GDPD5: variants seen among roughly 807,000 people sequenced by gnomAD.
GDPD5 encodes the protein glycerophosphodiester phosphodiesterase domain containing 5.
Under a neutral mutation model 75.1 loss-of-function variants are expected in GDPD5, and 48 were observed. The ratio of observed to expected loss-of-function variants is 0.64; its 90% CI spans 0.51 to 0.81. The LOEUF is 0.81. GDPD5 is among the 40% of genes least tolerant of loss of function. The pLI is 0.00. For synonymous variants in GDPD5, 336 were observed against 339.0 expected, an observed-to-expected ratio of 0.99 and a Z score of 0.10; for missense variants, 706 against 822.6, an observed-to-expected ratio of 0.86 and a Z score of 1.73.
chr11:75,521,195 C>A (rs1941441561), intron 1 of GDPD5, among the ~76,000 whole-genome samples: 1 of 152,260 alleles, frequency 6.6e-6, no homozygotes, highest in Non-Finnish European at 1.5e-5. Flanking sequence ...AGACAACCAG[C>A]CAGCCTGTGC....
At chr11:75,461,078 G>C (rs892440932) in intron 4 of GDPD5, among the ~76,000 whole-genome samples, 1 of 152,104 alleles carries the variant, frequency 6.6e-6, no homozygotes, top group African/African-American at 2.4e-5. Context: ...GGTCTCTTCA[G>C]TCTGTCCTCA....
chr11:75,506,111 G>A (rs1950392181), intron 1 of GDPD5, among the ~76,000 whole-genome samples: 1 of 152,222 alleles, frequency 6.6e-6, no homozygotes, highest in African/African-American at 2.4e-5. Flanking sequence ...TATGGCAAGA[G>A]CACAAAATGC....
Position 75,491,811 on chromosome 11 carries a change from A to G in GDPD5, c.-144-1491T>C, listed in dbSNP as rs554807192. On this transcript the variant is annotated intron_variant, in intron 1 of 16. Transcript: ENST00000336898. Reference sequence around the variant, plus strand: ...AGTGACTATTATTTCAGATTTTGAAATGGAGGTTCTGAGAAGTGAACACAC... The same window carrying G: ...AGTGACTATTATTTCAGATTTTGAAGTGGAGGTTCTGAGAAGTGAACACAC... Among the ~76,000 whole-genome samples the G allele has an allele frequency of 1.3e-4, 20 of 152,310 alleles. No individual in the cohort carries two copies. In the South Asian group the frequency reaches 4.1e-3, roughly 32 times the overall value.
At chr11:75,485,077 C>T (rs1949996443) in intron 2 of GDPD5, among the ~76,000 whole-genome samples, 1 of 152,186 alleles carries the variant, frequency 6.6e-6, no homozygotes, top group African/African-American at 2.4e-5. Context: ...TGCTAAGTGA[C>T]AGAAGCCAAT....
chr11:75,449,368 G>T, intron 8 of GDPD5, 149 bp downstream of exon 8: 1 of 790,962 alleles, frequency 1.3e-6, no homozygotes, highest in Non-Finnish European at 2.1e-6. Context: ...GACTCTGTGG[G>T]CCACTCTGAG....
At chr11:75,523,318 G>T (rs907877749) in intron 1 of GDPD5, among the ~76,000 whole-genome samples, 1 of 152,268 alleles carries the variant, frequency 6.6e-6, no homozygotes, top group South Asian at 2.1e-4. Context: ...ACTGTGGCTC[G>T]AGGCTGCCGC....
chr11:75,443,391 G>A (rs994230162), intron 10 of GDPD5, 105 bp from the exon 11 acceptor site: 16 of 1,340,146 alleles, frequency 1.2e-5, no homozygotes, highest in Admixed American at 1.0e-4. Context: ...ACAGGATCCC[G>A]GCTGGCTCTG....
intron 1 of GDPD5, among the ~76,000 whole-genome samples, chr11:75,499,402 T>C (rs796406756): frequency 0.056 from 8,176 of 145,782 alleles, 361 homozygotes; most frequent in East Asian, 0.13. Context: ...TCCTTTTTTT[T>C]TTTTTTTTTT....
At chr11:75,456,256 G>A (rs1949283842) in intron 6 of GDPD5, among the ~76,000 whole-genome samples, 1 of 152,216 alleles carries the variant, frequency 6.6e-6, no homozygotes, top group South Asian at 2.1e-4. Flanking sequence ...AGGTAGGGAA[G>A]TTTGGGTCAT....
intron 1 of GDPD5, among the ~76,000 whole-genome samples, chr11:75,492,893 C>T (rs1362372016): frequency 6.6e-6 from 1 of 151,968 alleles, no homozygotes; most frequent in Non-Finnish European, 1.5e-5. Flanking sequence ...CCCCACCCAG[C>T]TAATTTTTGT....
chr11:75,522,063 C>T (rs905076206), intron 1 of GDPD5, among the ~76,000 whole-genome samples: 2 of 152,114 alleles, frequency 1.3e-5, no homozygotes, highest in Non-Finnish European at 2.9e-5. Context: ...CCCACCAAGC[C>T]ATCCTCCTCG....
chr11:75,519,716 T>C (rs1411487981), intron 1 of GDPD5, among the ~76,000 whole-genome samples: 1 of 152,218 alleles, frequency 6.6e-6, no homozygotes, highest in Non-Finnish European at 1.5e-5. Flanking sequence ...CCCTACCCTG[T>C]GCCACCAGCC....
intron 3 of GDPD5, among the ~76,000 whole-genome samples, chr11:75,466,244 G>A (rs577391306): frequency 3.2e-4 from 48 of 152,190 alleles, no homozygotes; most frequent in Non-Finnish European, 4.7e-4. Context: ...AGCTGAAGCC[G>A]GAGGCCACAG....
At chr11:75,492,543 A>G (rs539545222) in intron 1 of GDPD5, 23 of 152,416 alleles carry the variant, frequency 1.5e-4, no homozygotes, top group African/African-American at 5.5e-4. Flanking sequence ...TTTACCTGAC[A>G]TTCAAACTTG....
At chr11:75,467,531 T>A (rs1425088444) in intron 3 of GDPD5, among the ~76,000 whole-genome samples, 1 of 152,080 alleles carries the variant, frequency 6.6e-6, no homozygotes, top group Non-Finnish European at 1.5e-5. Flanking sequence ...AGCCCCAGAC[T>A]TACCCTCAGG....
At chr11:75,520,194 C>T (rs952577496) in intron 1 of GDPD5, among the ~76,000 whole-genome samples, 4 of 152,238 alleles carry the variant, frequency 2.6e-5, no homozygotes, top group African/African-American at 9.7e-5. Context: ...CCAGCCATCA[C>T]TCACTGGACT....
chr11:75,446,489 A>G (rs906415708), intron 9 of GDPD5, among the ~76,000 whole-genome samples: 27 of 152,310 alleles, frequency 1.8e-4, no homozygotes, highest in African/African-American at 6.0e-4. Flanking sequence ...GGTGGGTGGG[A>G]CACTATGGTT....
chr11:75,449,482 G>T, intron 8 of GDPD5, 35 bp downstream of exon 8: 1 of 1,526,892 alleles, frequency 6.5e-7, no homozygotes, highest in Non-Finnish European at 8.9e-7. Flanking sequence ...CACCTGCAGG[G>T]ATTGGAGGGG....
intron 2 of GDPD5, among the ~76,000 whole-genome samples, chr11:75,483,822 A>C: frequency 6.6e-6 from 1 of 152,206 alleles, no homozygotes; most frequent in East Asian, 1.9e-4. Context: ...AGTGAATGCC[A>C]GGGGCTGGGA....
Sources: gnomAD v4.1 joint callset for allele counts (sites outside exome capture counted in the v4.1 genomes callset) on GRCh38, gnomAD v4.1.1 for gene constraint, MANE v1.5 for transcripts, NCBI Gene and HGNC (gene_info 2026-07-23, HGNC 2026-07-21) for gene names.